RMND1: variants seen among roughly 807,000 people sequenced by gnomAD.
RMND1 encodes required for meiotic nuclear division 1 homolog.
Under a neutral mutation model 54.0 loss-of-function variants are expected in RMND1, and 41 were observed. The ratio of observed to expected loss-of-function variants is 0.76; its 90% CI spans 0.59 to 0.98. The LOEUF (loss-of-function observed/expected upper bound fraction) is 0.98, where lower values mean the gene tolerates loss of function less well. RMND1 is among the 50% of genes least tolerant of loss of function. The pLI, the probability that RMND1 is intolerant of heterozygous loss-of-function variation, is 0.00. For missense variants in RMND1, 457 were observed against 532.0 expected (o/e 0.86, Z 1.39); for synonymous variants, 183 against 181.7 (o/e 1.01, Z -0.06).
chr6:151,418,275 G>A (rs1250788554), intron 9 of RMND1, among the ~76,000 whole-genome samples: 2 of 152,110 alleles, frequency 1.3e-5, no homozygotes, highest in Non-Finnish European at 2.9e-5. Context: ...CTAGCCAGGT[G>A]TGGTGGTGTA....
intron 11 of RMND1, 133 bp from the exon 12 acceptor site, chr6:151,405,400 C>G: frequency 1.3e-6 from 1 of 793,386 alleles, no homozygotes; most frequent in East Asian, 2.7e-5. Flanking sequence ...ACGTGGCAAC[C>G]TATGAATTGG....
chr6:151,405,846 A>G lies in RMND1; in HGVS notation c.1201-10T>C, dbSNP rs777627930. The stretch of plus-strand genomic sequence containing the variant: ...GTTTTTCATTCATGACCTATGTAAG[A>G]AAAATTTCAGTAACATGTATTTAAA... On this transcript the variant is annotated splice_polypyrimidine_tract_variant and intron_variant, in intron 10 of 11. Transcript: ENST00000444024. The G allele has an allele frequency of 1.4e-6, 2 of 1,445,538 alleles. No individual in the cohort carries two copies. Among genetic ancestry groups the G allele is most frequent in the East Asian group, 2.3e-5 (1 of 44,120 alleles). The allele number at this position is 1,445,538 out of a possible 1,614,324, so 89.5% of individuals were successfully genotyped here. A position where few individuals can be genotyped will look rare whatever the true frequency, so the allele number is the denominator to read the frequency against.
At chr6:151,433,836 GTT>G (rs1484634762) in intron 3 of RMND1, among the ~76,000 whole-genome samples, 41 of 147,144 alleles carry the variant, frequency 2.8e-4, no homozygotes, top group African/African-American at 1.0e-3. Flanking sequence ...TTTTTTTTTT[GTT>G]TGTTTGTTTT....
chr6:151,407,890 G>T (rs1277657118), intron 10 of RMND1, among the ~76,000 whole-genome samples: 1 of 151,948 alleles, frequency 6.6e-6, no homozygotes, highest in Non-Finnish European at 1.5e-5. Flanking sequence ...CAGCCTGGGC[G>T]ACAGAGCGAG....
intron 2 of RMND1, among the ~76,000 whole-genome samples, chr6:151,438,366 A>G (rs1354961050): frequency 1.3e-5 from 2 of 152,230 alleles, no homozygotes; most frequent in Non-Finnish European, 2.9e-5. Flanking sequence ...TGATGGCTAC[A>G]GCTCATGTGC....
intron 9 of RMND1, 154 bp downstream of exon 9, chr6:151,421,091 G>A: frequency 1.7e-6 from 1 of 605,344 alleles, no homozygotes; most frequent in Non-Finnish European, 2.9e-6. Context: ...TACTTCTAAT[G>A]GGTAAGAGTT....
At chr6:151,449,734 A>C (rs1781075843) in intron 1 of RMND1, among the ~76,000 whole-genome samples, 1 of 152,056 alleles carries the variant, frequency 6.6e-6, no homozygotes, top group African/African-American at 2.4e-5. Context: ...ATCTCGGCTC[A>C]CTGCAACCTC....
intron 2 of RMND1, chr6:151,436,823 C>CTGGTAG: frequency 3.1e-6 from 1 of 321,324 alleles, no homozygotes; most frequent in Non-Finnish European, 5.9e-6. Context: ...CCACACTCAA[C>CTGGTAG]TGGTAGTATC....
At chr6:151,434,246 A>G (rs531429100) in intron 3 of RMND1, among the ~76,000 whole-genome samples, 13 of 152,212 alleles carry the variant, frequency 8.5e-5, no homozygotes, top group Non-Finnish European at 1.8e-4. Flanking sequence ...ATTCCATAAT[A>G]TAAATTACAA....
chr6:151,415,041 A>G (rs1171901004), intron 10 of RMND1, among the ~76,000 whole-genome samples: 1 of 143,688 alleles, frequency 7.0e-6, no homozygotes, highest in Non-Finnish European at 1.5e-5. Context: ...TGGCTAAATA[A>G]AGTTCTTGAA....
chr6:151,438,424 A>G (rs1780675662), intron 2 of RMND1, among the ~76,000 whole-genome samples: 1 of 152,204 alleles, frequency 6.6e-6, no homozygotes, highest in Non-Finnish European at 1.5e-5. Context: ...AAAGGAGATA[A>G]GCAGGTCACA....
intron 1 of RMND1, among the ~76,000 whole-genome samples, chr6:151,451,681 G>A (rs1351708407): frequency 6.6e-6 from 1 of 152,152 alleles, no homozygotes; most frequent in South Asian, 2.1e-4. Context: ...AACTTTTAGA[G>A]AACAATTACA....
intron 10 of RMND1, among the ~76,000 whole-genome samples, chr6:151,407,415 C>G (rs879731976): frequency 2.0e-5 from 3 of 152,124 alleles, no homozygotes; most frequent in Non-Finnish European, 2.9e-5. Flanking sequence ...ACTACTGATT[C>G]AGCCTCTTGC....
intron 2 of RMND1, among the ~76,000 whole-genome samples, chr6:151,437,339 CATGTATCT>C (rs1252465451): frequency 6.6e-6 from 1 of 152,160 alleles, no homozygotes; most frequent in Non-Finnish European, 1.5e-5. Flanking sequence ...CTGTCACTTA[CATGTATCT>C]ATGTATCTAC....
intron 2 of RMND1, among the ~76,000 whole-genome samples, chr6:151,438,680 G>A (rs954588877): frequency 2.0e-5 from 3 of 152,118 alleles, no homozygotes; most frequent in African/African-American, 7.2e-5. Flanking sequence ...CTAGGATAGA[G>A]TAGGGGGGCC....
intron 6 of RMND1, among the ~76,000 whole-genome samples, chr6:151,425,912 T>A (rs1582954101): frequency 6.6e-6 from 1 of 151,658 alleles, no homozygotes; most frequent in South Asian, 2.1e-4. Flanking sequence ...TCTCTGTCTC[T>A]CTTCCAAGTC....
intron 3 of RMND1, among the ~76,000 whole-genome samples, chr6:151,433,496 C>A (rs2114954318): frequency 6.6e-6 from 1 of 152,136 alleles, no homozygotes; most frequent in Non-Finnish European, 1.5e-5. Context: ...CATTCATGCC[C>A]ATTTTGATTC....
chr6:151,415,644 T>A (rs1445377858), intron 10 of RMND1, among the ~76,000 whole-genome samples: 1 of 151,498 alleles, frequency 6.6e-6, no homozygotes, highest in African/African-American at 2.4e-5. Flanking sequence ...CAAAAAAAAA[T>A]TAGCTGGGCT....
intron 8 of RMND1, 32 bp downstream of exon 8, chr6:151,422,509 T>C (rs765203461): frequency 3.7e-6 from 4 of 1,069,898 alleles, no homozygotes; most frequent in Non-Finnish European, 5.4e-6. Flanking sequence ...TAAAAATCAA[T>C]CCTTGAATAA....
Sources: allele counts gnomAD v4.1 joint callset (sites outside exome capture counted in the v4.1 genomes callset), GRCh38; gene constraint gnomAD v4.1.1; transcripts MANE v1.5; gene names NCBI Gene and HGNC (gene_info 2026-07-23, HGNC 2026-07-21).